Variants in PCDH11X observed in about 807,000 individuals in gnomAD.
PCDH11X encodes protocadherin 11 X-linked.
Under a neutral mutation model 53.3 loss-of-function variants are expected in PCDH11X, and 18 were observed. The ratio of observed to expected loss-of-function variants is 0.34; its 90% CI spans 0.23 to 0.50. The LOEUF is 0.50. Among genes scored for constraint, PCDH11X ranks in the 20% least tolerant of loss-of-function variants. The pLI is 0.98. For synonymous variants in PCDH11X, 279 were observed against 393.3 expected, an observed-to-expected ratio of 0.71 and a Z score of 3.44; for missense variants, 570 against 1,032.4, an observed-to-expected ratio of 0.55 and a Z score of 6.14.
At chrX:92,240,948 CT>C (rs895469129) in intron 7 of PCDH11X, among the ~76,000 whole-genome samples, 10 of 110,161 alleles carry the variant, frequency 9.1e-5, no homozygotes, top group African/African-American at 3.3e-4. Context: ...GGCCTGGGTT[CT>C]TTTTTATGAA....
chrX:92,370,077 A>AT (rs1167783936), intron 8 of PCDH11X, among the ~76,000 whole-genome samples: 1 of 107,233 alleles, frequency 9.3e-6, no homozygotes, highest in Non-Finnish European at 1.9e-5. Context: ...ATTTTTTTGC[A>AT]TTTTTTGCAT....
In PCDH11X at chrX:92,541,106, G is replaced by T. The variant is rs1056237512; in HGVS notation, c.3367+72784G>T. ...CCACTGGCTCTAAGCCCAGCCTAGC[G>T]CTTGGAGTTGTCCAGGAATTGTATT... On this transcript the variant is annotated intron_variant, in intron 10 of 10. Coordinates refer to ENST00000682573, the MANE Select transcript of PCDH11X (RefSeq NM_032968.5). Among the ~76,000 whole-genome samples, 10 of 109,794 alleles carry T rather than the reference G, an allele frequency of 9.1e-5. No individual in the cohort carries two copies. The South Asian group carries it at 2.0e-3, about 22-fold the overall frequency.
rs1317152209 is a variant in PCDH11X, at chrX:91,810,489, A to G, written c.-193A>G. 2 of 112,034 alleles carry G rather than the reference A, an allele frequency of 1.8e-5. No individual in the cohort carries two copies. Among genetic ancestry groups the G allele is most frequent in the Non-Finnish European group, 1.9e-5 (1 of 53,237 alleles). 9.2% of individuals were successfully genotyped at this position (112,034 alleles called of 1,213,427 possible). Reference sequence around the variant, plus strand: ...CCCTCATAGGAAAATCCTGTTGCGAATAAGAAGGATTCCACAGATCACATA... The same window carrying G: ...CCCTCATAGGAAAATCCTGTTGCGAGTAAGAAGGATTCCACAGATCACATA... On this transcript the variant is annotated 5_prime_UTR_variant, in exon 3 of 11. Coordinates refer to ENST00000682573, the MANE Select transcript of PCDH11X (RefSeq NM_032968.5).
rs779995522 is a variant in PCDH11X, at chrX:92,456,374, A to C, written c.3344-11925A>C. Among the ~76,000 whole-genome samples, 119 of 111,775 alleles carry C rather than the reference A, an allele frequency of 1.1e-3. 1 individual carries two copies. The highest frequency in any genetic ancestry group is 3.2e-3 in the Admixed American group (34 of 10,477). On this transcript the variant is annotated intron_variant, in intron 9 of 10. Coordinates refer to ENST00000682573, the MANE Select transcript of PCDH11X (RefSeq NM_032968.5). ...ACATCATTTTATGTTTAAAGAAACA[A>C]AGTAAAGGGAGAGATTAATAGGAAC...
intron 6 of PCDH11X, among the ~76,000 whole-genome samples, chrX:92,141,596 G>GT (rs1733340709): frequency 9.0e-6 from 1 of 111,501 alleles, no homozygotes; most frequent in Non-Finnish European, 1.9e-5. Context: ...TAAACCTAAT[G>GT]TTTTTTTCCA....
At chrX:92,308,172 C>G (rs1243672751) in intron 8 of PCDH11X, among the ~76,000 whole-genome samples, 1 of 108,408 alleles carries the variant, frequency 9.2e-6, no homozygotes, top group African/African-American at 3.4e-5. Context: ...GATATGGAAT[C>G]TCAAGGGACC....
chrX:91,969,120 A>G (rs2061909212), intron 6 of PCDH11X, among the ~76,000 whole-genome samples: 1 of 110,707 alleles, frequency 9.0e-6, no homozygotes, highest in Admixed American at 9.7e-5. Context: ...AAAACACTAT[A>G]CAGTATGAGG....
chrX:91,809,232 T>C (rs1936219715), intron 1 of PCDH11X, among the ~76,000 whole-genome samples: 1 of 111,671 alleles, frequency 9.0e-6, no homozygotes. Context: ...AATCTCTTAC[T>C]CTTCCAATCT....
In PCDH11X at chrX:91,964,888, G is replaced by A. The variant is rs138982672; in HGVS notation, c.3033+85615G>A. Among the ~76,000 whole-genome samples, 209 of 111,826 alleles carry A rather than the reference G, an allele frequency of 1.9e-3. 1 individual carries two copies. Among genetic ancestry groups the A allele is most frequent in the East Asian group, 0.015 (54 of 3,499 alleles). ...CTTGAAAACAGGAGACACACATAAG[G>A]GCAGAGCTGAAGGAAACTGCTAGCG... On this transcript the variant is annotated intron_variant, in intron 6 of 10. Coordinates refer to ENST00000682573, the MANE Select transcript of PCDH11X (RefSeq NM_032968.5).
At chrX:92,026,535 G>A (rs1476190210) in intron 6 of PCDH11X, among the ~76,000 whole-genome samples, 7 of 108,388 alleles carry the variant, frequency 6.5e-5, no homozygotes, top group Admixed American at 2.0e-4. Context: ...AAGAGAAAAT[G>A]ATAGGGGTTT....
At chrX:92,443,699 G>T (rs1454688489) in intron 9 of PCDH11X, among the ~76,000 whole-genome samples, 3 of 110,972 alleles carry the variant, frequency 2.7e-5, no homozygotes, top group African/African-American at 6.5e-5. Flanking sequence ...GTTAATTTTT[G>T]TATGTGGTAA....
At chrX:92,210,378 G>T (rs1417535664) in intron 7 of PCDH11X, among the ~76,000 whole-genome samples, 2 of 105,129 alleles carry the variant, frequency 1.9e-5, no homozygotes, top group African/African-American at 3.4e-5. Flanking sequence ...AGCTGGGACT[G>T]CAGGCACCCA....
At chrX:92,088,243 C>T (rs1417181985) in intron 6 of PCDH11X, among the ~76,000 whole-genome samples, 1 of 110,667 alleles carries the variant, frequency 9.0e-6, no homozygotes, top group Non-Finnish European at 1.9e-5. Flanking sequence ...CACATTTTTG[C>T]TCTTGAATAT....
At chrX:92,354,153 T>A (rs111422153) in intron 8 of PCDH11X, among the ~76,000 whole-genome samples, 14,112 of 100,757 alleles carry the variant, frequency 0.14, 990 homozygotes, top group Middle Eastern at 0.2. Flanking sequence ...CATATAGATT[T>A]TAAAGAAGAC....
At chrX:91,934,150 A>G (rs1312921321) in intron 6 of PCDH11X, among the ~76,000 whole-genome samples, 5 of 111,004 alleles carry the variant, frequency 4.5e-5, no homozygotes, top group Non-Finnish European at 9.5e-5. Context: ...TTTCCTTTAA[A>G]AATGGGCTTT....
rs1201791031 is a variant in PCDH11X at position 92,214,171 on chromosome X, T to C, written c.3114+12716T>C. The stretch of plus-strand genomic sequence containing the variant: ...TTGAGAGCGGAATAAATACCAGGAA[T>C]AGGTGAGGCCAGAGTTGGGGGCCTC... On this transcript the variant is annotated intron_variant, in intron 7 of 10. Coordinates refer to ENST00000682573, the MANE Select transcript of PCDH11X (RefSeq NM_032968.5). Among the ~76,000 whole-genome samples the C allele has an allele frequency of 4.5e-5, 5 of 111,767 alleles. No individual in the cohort carries two copies. In the East Asian group the frequency reaches 1.4e-3, roughly 32 times the overall value.
chrX:92,061,342 C>T (rs1412039996), intron 6 of PCDH11X, among the ~76,000 whole-genome samples: 1 of 111,709 alleles, frequency 9.0e-6, no homozygotes, highest in Non-Finnish European at 1.9e-5. Context: ...TTAATTAGTT[C>T]TCATGTGTCA....
chrX:92,144,441 G>A (rs747121872), intron 6 of PCDH11X, among the ~76,000 whole-genome samples: 1 of 110,669 alleles, frequency 9.0e-6, no homozygotes, highest in African/African-American at 3.3e-5. Context: ...TCTCATGATA[G>A]TGAATACGTC....
intron 8 of PCDH11X, among the ~76,000 whole-genome samples, chrX:92,366,160 C>A (rs1179327406): frequency 9.0e-6 from 1 of 111,517 alleles, no homozygotes; most frequent in African/African-American, 3.3e-5. Context: ...GCCTCAATTT[C>A]AGAACTCGTT....
Sources: gnomAD v4.1 joint callset for allele counts (sites outside exome capture counted in the v4.1 genomes callset) on GRCh38, gnomAD v4.1.1 for gene constraint, MANE v1.5 for transcripts, NCBI Gene and HGNC (gene_info 2026-07-23, HGNC 2026-07-21) for gene names.